Variants in SESN3 observed in about 807,000 individuals in gnomAD.
The protein encoded by SESN3 is sestrin-3.
SESN3 carries 21 observed loss-of-function variants against 55.3 expected under a neutral mutation model. That is an observed-to-expected ratio of 0.38 (90% CI 0.27 to 0.55). SESN3 has a LOEUF of 0.55. SESN3 is among the 20% of genes least tolerant of loss of function. The pLI is 0.76. For missense variants in SESN3, 408 were observed against 604.3 expected (o/e 0.68, Z 3.41); for synonymous variants, 181 against 203.1 (o/e 0.89, Z 0.93).
At chr11:95,198,268 T>C (rs532265426) in intron 1 of SESN3, among the ~76,000 whole-genome samples, 104 of 151,678 alleles carry the variant, frequency 6.9e-4, no homozygotes, top group African/African-American at 2.2e-3. Flanking sequence ...TTTGAGAAGA[T>C]ACCGCATAAA....
At chr11:95,201,681 A>G (rs1860463333) in intron 1 of SESN3, among the ~76,000 whole-genome samples, 1 of 152,118 alleles carries the variant, frequency 6.6e-6, no homozygotes. Flanking sequence ...CAAATGCTAT[A>G]GGACAGTCTT....
chr11:95,198,190 A>C (rs1860397390), intron 1 of SESN3, among the ~76,000 whole-genome samples: 1 of 152,172 alleles, frequency 6.6e-6, no homozygotes. Flanking sequence ...TCATGCCAAG[A>C]AACCTTTCCC....
chr11:95,186,849 A>C (rs1365815580), intron 4 of SESN3, among the ~76,000 whole-genome samples: 1 of 151,956 alleles, frequency 6.6e-6, no homozygotes, highest in East Asian at 1.9e-4. Context: ...TATACACCAG[A>C]AAAATATACT....
rs1387697953 is a variant in SESN3, at chr11:95,167,774, G to C, written c.*5481C>G. 6.6e-6 allele frequency: 1 copy of C among 152,194 alleles called. No homozygotes were observed. The highest frequency in any genetic ancestry group is 2.4e-5 in the African/African-American group (1 of 41,456). The allele number at this position is 152,194 out of a possible 1,614,324, so 9.4% of individuals were successfully genotyped here. On this transcript the variant is annotated 3_prime_UTR_variant, in exon 10 of 10. Transcript: ENST00000536441. ...TCATCAGGTCAGACAACTGTGTGCA[G>C]TGTCCCATGTTAGAAACCTGACATA... is the stretch of plus-strand genomic sequence containing the variant.
chr11:95,196,599 C>T (rs1056283312), intron 1 of SESN3, among the ~76,000 whole-genome samples: 1 of 152,082 alleles, frequency 6.6e-6, no homozygotes, highest in Non-Finnish European at 1.5e-5. Flanking sequence ...GTCTCTAGAC[C>T]TACGTTCCCC....
At chr11:95,210,017 C>CAAAAAA (rs71036380) in intron 1 of SESN3, among the ~76,000 whole-genome samples, 17 of 60,176 alleles carry the variant, frequency 2.8e-4, no homozygotes, top group African/African-American at 4.5e-4. Flanking sequence ...AACTCCATCT[C>CAAAAAA]AAAAAAAAAA....
At chr11:95,232,434 G>A (rs895328917), upstream of SESN3, 1 of 152,464 alleles carries the variant, frequency 6.6e-6, no homozygotes, top group Non-Finnish European at 1.5e-5. Flanking sequence ...GGGCCCCAGA[G>A]ATAACTTGCA....
chr11:95,204,838 T>G (rs1860519210), intron 1 of SESN3: 1 of 152,212 alleles, frequency 6.6e-6, no homozygotes, highest in Non-Finnish European at 1.5e-5. Context: ...GCTCATTTTC[T>G]GGAAAGTCTT....
At chr11:95,189,342 C>A (rs1278981405) in intron 4 of SESN3, among the ~76,000 whole-genome samples, 1 of 151,918 alleles carries the variant, frequency 6.6e-6, no homozygotes, top group African/African-American at 2.4e-5. Context: ...TTTGCAAAAT[C>A]ATTTTTTGAG....
chr11:95,210,408 C>T (rs1016493882), intron 1 of SESN3, among the ~76,000 whole-genome samples: 2 of 152,028 alleles, frequency 1.3e-5, no homozygotes, highest in Admixed American at 6.6e-5. Flanking sequence ...AAGAAAATTG[C>T]TTATGGAAGT....
chr11:95,201,393 G>T (rs114956051), intron 1 of SESN3: 1 of 152,036 alleles, frequency 6.6e-6, no homozygotes, highest in South Asian at 2.1e-4. Context: ...AATTAAAAAC[G>T]TATATCCACA....
At chr11:95,175,829 C>A (rs1458596203) in intron 8 of SESN3, among the ~76,000 whole-genome samples, 187 bp from the exon 9 acceptor site, 1 of 151,990 alleles carries the variant, frequency 6.6e-6, no homozygotes, top group Non-Finnish European at 1.5e-5. Context: ...TACTAGTGAA[C>A]AAAACAGACA....
At chr11:95,184,789 TTATAAA>T (rs1860132487) in intron 5 of SESN3, among the ~76,000 whole-genome samples, 195 bp from the exon 6 acceptor site, 2 of 152,170 alleles carry the variant, frequency 1.3e-5, no homozygotes, top group South Asian at 4.1e-4. Context: ...TTTTTTTTAG[TTATAAA>T]TATAGAAGTT....
At chr11:95,202,855 TAA>T (rs1298322263) in intron 1 of SESN3, among the ~76,000 whole-genome samples, 1 of 152,088 alleles carries the variant, frequency 6.6e-6, no homozygotes, top group East Asian at 1.9e-4. Flanking sequence ...AATAATTGTT[TAA>T]AAGTTTCTGT....
Position 95,184,419 on chromosome 11 carries a change from C to T in SESN3, c.937+1G>A, listed in dbSNP as rs1342318513. On this transcript the variant is annotated splice_donor_variant, in intron 6 of 9. Transcript: ENST00000536441. LOFTEE classifies it high-confidence loss of function. ...AAAGGCAAAAAAGTGCAAAAAAGCACCTGAATGAGGAAATGAATGAAAAGT... is the reference window on the plus strand; with the variant it reads ...AAAGGCAAAAAAGTGCAAAAAAGCATCTGAATGAGGAAATGAATGAAAAGT... 6.2e-7 allele frequency: 1 copy of T among 1,613,304 alleles called. No homozygotes were observed. The highest frequency in any genetic ancestry group is 8.5e-7 in the Non-Finnish European group (1 of 1,179,676).
chr11:95,209,509 G>A (rs1450138506), intron 1 of SESN3, among the ~76,000 whole-genome samples: 1 of 151,346 alleles, frequency 6.6e-6, no homozygotes, highest in Non-Finnish European at 1.5e-5. Flanking sequence ...CAAGGATCTA[G>A]AACCAGAAAT....
chr11:95,224,882 G>GA (rs1860920961), intron 1 of SESN3, among the ~76,000 whole-genome samples: 1 of 152,128 alleles, frequency 6.6e-6, no homozygotes, highest in African/African-American at 2.4e-5. Flanking sequence ...GGGGTTACAT[G>GA]AAAAAAGTGG....
intron 1 of SESN3, among the ~76,000 whole-genome samples, chr11:95,229,870 T>C (rs781598272): frequency 1.3e-5 from 2 of 152,328 alleles, no homozygotes; most frequent in Non-Finnish European, 2.9e-5. Flanking sequence ...AAAATAGAGT[T>C]TGAATACGAA....
At chr11:95,197,859 T>G (rs1045184768) in intron 1 of SESN3, among the ~76,000 whole-genome samples, 5 of 152,140 alleles carry the variant, frequency 3.3e-5, no homozygotes, top group African/African-American at 1.2e-4. Context: ...CTTTTTTATC[T>G]AGAGAACTCG....
Sources: allele counts gnomAD v4.1 joint callset (sites outside exome capture counted in the v4.1 genomes callset), GRCh38; gene constraint gnomAD v4.1.1; transcripts MANE v1.5; gene names NCBI Gene and HGNC (gene_info 2026-07-23, HGNC 2026-07-21).